Variants in FRMD7 observed in about 807,000 individuals in gnomAD.
FRMD7 encodes FERM domain containing 7, also known as FERM domain-containing protein 7.
In FRMD7, 14 loss-of-function variants were observed where a neutral mutation model predicts 44.1. That is an observed-to-expected ratio of 0.32 (90% CI 0.21 to 0.50). FRMD7 has a LOEUF of 0.50. Ranked by LOEUF, FRMD7 falls within the 20% of genes least tolerant of loss-of-function variation. The pLI, the probability that FRMD7 is intolerant of heterozygous loss-of-function variation, is 0.99. For missense variants in FRMD7, 501 were observed against 522.3 expected (o/e 0.96, Z 0.40); for synonymous variants, 212 against 187.4 (o/e 1.13, Z -1.07).
chrX:132,102,561 A>G (rs1928530260), intron 1 of FRMD7, among the ~76,000 whole-genome samples: 1 of 111,802 alleles, frequency 8.9e-6, no homozygotes, highest in African/African-American at 3.3e-5. Context: ...GACACAGACC[A>G]TTGCAGACAC....
At chrX:132,095,887 C>A (rs1342533952) in intron 4 of FRMD7, among the ~76,000 whole-genome samples, 1 of 112,653 alleles carries the variant, frequency 8.9e-6, no homozygotes, top group Non-Finnish European at 1.9e-5. Flanking sequence ...TTGCTCCTAG[C>A]ATGAAAGAAA....
intron 1 of FRMD7, among the ~76,000 whole-genome samples, chrX:132,119,359 T>TA (rs1228841485): frequency 8.9e-6 from 1 of 112,806 alleles, no homozygotes; most frequent in Non-Finnish European, 1.9e-5. Context: ...ACAGATCTCT[T>TA]ACAATCACTT....
At chrX:132,096,085 A>T (rs189063451) in intron 4 of FRMD7, among the ~76,000 whole-genome samples, 11 of 111,512 alleles carry the variant, frequency 9.9e-5, no homozygotes, top group African/African-American at 3.6e-4. Flanking sequence ...ACTCAACTGA[A>T]ATGGGTTAGC....
intron 5 of FRMD7, among the ~76,000 whole-genome samples, chrX:132,086,506 A>G (rs1267308584): frequency 9.0e-6 from 1 of 111,023 alleles, no homozygotes; most frequent in Admixed American, 9.6e-5. Context: ...TGACTCCATC[A>G]AGGCAAGCCT....
chrX:132,127,796 C>T lies in FRMD7; in HGVS notation c.49G>A (p.Val17Met). ...ATGTGATTTCCACTTACATCAACCA[C>T]AAAAATCTTCTGGGAATCATCCAAA... ...QFLDDSQKIF[V>M]VDQKSSGKAL... is the part of the protein sequence containing the mutation. Residue 17 changes from valine (V) to methionine (M), a missense_variant, in exon 1 of 12, where the codon GTG (valine) becomes ATG (methionine). By Grantham distance (21) the Val-to-Met change is conservative. Transcript: ENST00000298542. The T allele has an allele frequency of 8.3e-7, 1 of 1,203,734 alleles. No individual in the cohort carries two copies. The highest frequency in any genetic ancestry group is 1.1e-6 in the Non-Finnish European group (1 of 888,237).
chrX:132,119,530 T>C (rs1928983711), intron 1 of FRMD7, among the ~76,000 whole-genome samples: 1 of 111,486 alleles, frequency 9.0e-6, no homozygotes, highest in South Asian at 3.8e-4. Context: ...CCTAAGTGCT[T>C]CCAGGGCCTG....
At chrX:132,108,646 G>C (rs956029691) in intron 1 of FRMD7, among the ~76,000 whole-genome samples, 1 of 111,228 alleles carries the variant, frequency 9.0e-6, no homozygotes, top group Non-Finnish European at 1.9e-5. Context: ...ATCCTGGTGT[G>C]TGGTCACCTG....
In FRMD7 at chrX:132,078,604, C is replaced by A; in HGVS notation, c.1413G>T (p.Lys471Asn). The change falls in exon 12 of 12, where the codon AAG (lysine) becomes AAT (asparagine). Residue 471 changes from lysine (K) to asparagine (N), a missense_variant. Physicochemically the swap from Lys to Asn is moderately conservative, Grantham distance 94 (BLOSUM62 0). Around this residue, in one of 3 missense-constraint regions of FRMD7, gnomAD observed 453 missense variants for 452.7 expected, o/e 1.00. Transcript: ENST00000298542. ...AGGGCACATCCGTGTAAGTTAGCTG[C>A]TTTGCTGGACGCACTTTGCTTGTGA... ...SGLTSKVRPA[K>N]QLTYTDVPYI... 1 of 1,211,188 alleles carries A rather than the reference C, an allele frequency of 8.3e-7. No homozygotes were observed. The highest frequency in any genetic ancestry group is 1.1e-6 in the Non-Finnish European group (1 of 894,971).
chrX:132,117,441 T>G (rs1274584719), intron 1 of FRMD7, among the ~76,000 whole-genome samples: 2 of 112,547 alleles, frequency 1.8e-5, no homozygotes, highest in Non-Finnish European at 3.8e-5. Flanking sequence ...ATGCAGATTA[T>G]GCAATGGCTA....
intron 5 of FRMD7, among the ~76,000 whole-genome samples, chrX:132,092,945 G>A (rs771758579): frequency 5.4e-5 from 6 of 111,567 alleles, no homozygotes; most frequent in Non-Finnish European, 9.4e-5. Flanking sequence ...CTCTATATAC[G>A]TCACTTCTTG....
chrX:132,100,543 A>T, intron 2 of FRMD7, 69 bp downstream of exon 2: 1 of 720,996 alleles, frequency 1.4e-6, no homozygotes, highest in Non-Finnish European at 2.2e-6. Flanking sequence ...TGAACCCTAC[A>T]TACCTAGCTG....
chrX:132,117,267 A>G (rs965471004), intron 1 of FRMD7, among the ~76,000 whole-genome samples: 4 of 111,871 alleles, frequency 3.6e-5, no homozygotes, highest in Admixed American at 9.5e-5. Flanking sequence ...TAATGTGGCT[A>G]TGAGCATCTG....
At position 132,078,952 on chromosome X, in the gene FRMD7, T is replaced by C; in HGVS notation, c.1065A>G (p.Arg355=). The change falls in exon 12 of 12, where the codon AGA becomes AGG. Residue 355 remains arginine (R), a synonymous_variant. Transcript: ENST00000298542. ...GGTAGTAGCCACCACCATATGCTAGTCTCAAATCTTCCACCTTGAGAGAAT... is the reference window on the plus strand; with the variant it reads ...GGTAGTAGCCACCACCATATGCTAGCCTCAAATCTTCCACCTTGAGAGAAT... The part of the protein sequence containing the change: ...SDVSKQVEDL[R]LAYGGGYYQN... 1 of 1,208,334 alleles carries C rather than the reference T, an allele frequency of 8.3e-7. No homozygotes were observed. The highest frequency in any genetic ancestry group is 1.1e-6 in the Non-Finnish European group (1 of 892,735).
At chrX:132,081,963 T>G (rs1927832240) in intron 9 of FRMD7, among the ~76,000 whole-genome samples, 1 of 111,983 alleles carries the variant, frequency 8.9e-6, no homozygotes, top group Non-Finnish European at 1.9e-5. Flanking sequence ...TGGCATATTG[T>G]TCAATCTTCT....
chrX:132,083,348 T>C (rs1927882346), intron 8 of FRMD7, among the ~76,000 whole-genome samples: 1 of 111,850 alleles, frequency 8.9e-6, no homozygotes, highest in Admixed American at 9.5e-5. Context: ...CATATTCTAA[T>C]CTTGGCTTTC....
At position 132,078,217 on chromosome X, in the gene FRMD7, A is replaced by G; in HGVS notation, c.1800T>C (p.Arg600=). 8.3e-7 allele frequency: 1 copy of G among 1,211,589 alleles called. No individual in the cohort carries two copies. The highest frequency in any genetic ancestry group is 1.1e-6 in the Non-Finnish European group (1 of 895,358). The change falls in exon 12 of 12, where the codon CGT becomes CGC. Residue 600 remains arginine (R), a synonymous_variant. Coordinates refer to ENST00000298542, the MANE Select transcript of FRMD7 (RefSeq NM_194277.3). ...GTCTAAATTCTGACCCAAAAGGAAA[A>G]CGAATAGTTTTCATGTCTGATTGGC... ...SQSQSDMKTI[R]FPFGSEFRPL...
Position 132,097,338 on chromosome X carries a change from T to G in FRMD7, c.212A>C (p.Lys71Thr). The G allele has an allele frequency of 8.7e-7, 1 of 1,154,801 alleles. No individual in the cohort carries two copies. Among genetic ancestry groups the G allele is most frequent in the Non-Finnish European group, 1.2e-6 (1 of 844,094 alleles). Residue 71 changes from lysine (K) to threonine (T), a missense_variant, in exon 4 of 12, where the codon AAG becomes ACG. Physicochemically the swap from Lys to Thr is moderately conservative, Grantham distance 78 (BLOSUM62 -1). Transcript: ENST00000298542. ...CACCATAAATTTGAAAACAATCTCC[T>G]TAGGATCTTAAAACACAATATCTCC... The part of the protein sequence containing the change: ...KPITKQVKNP[K>T]EIVFKFMVKF...
intron 1 of FRMD7, among the ~76,000 whole-genome samples, chrX:132,102,908 T>C (rs1312980394): frequency 1.8e-5 from 2 of 112,452 alleles, no homozygotes; most frequent in African/African-American, 6.5e-5. Flanking sequence ...GCCATTCTTT[T>C]AAGGTTTCTA....
chrX:132,079,670 C>T (rs1393015853), intron 11 of FRMD7, among the ~76,000 whole-genome samples: 4 of 112,157 alleles, frequency 3.6e-5, no homozygotes, highest in African/African-American at 1.3e-4. Context: ...CCTTCCTCTA[C>T]ACTTTAAGAT....
Sources: gnomAD v4.1 joint callset for allele counts (sites outside exome capture counted in the v4.1 genomes callset) on GRCh38, gnomAD v4.1.1 for gene constraint, gnomAD v4.1.1 regional missense constraint, MANE v1.5 for transcripts, NCBI Gene and HGNC (gene_info 2026-07-23, HGNC 2026-07-21) for gene names.